The following CRHBP variants were observed in gnomAD, a reference collection of about 807,000 sequenced individuals.
The protein encoded by CRHBP is corticotropin releasing hormone binding protein, also known as corticotropin-releasing hormone-binding protein.
CRHBP carries 19 observed loss-of-function variants against 34.9 expected under a neutral mutation model. The ratio of observed to expected loss-of-function variants is 0.55; its 90% CI spans 0.38 to 0.80. The LOEUF (loss-of-function observed/expected upper bound fraction) is 0.80. Ranked by LOEUF, CRHBP falls within the 30% of genes least tolerant of loss-of-function variation. The pLI is 0.00. For synonymous variants in CRHBP, 154 were observed against 153.4 expected, an observed-to-expected ratio of 1.00 and a Z score of -0.03; for missense variants, 328 against 409.2, an observed-to-expected ratio of 0.80 and a Z score of 1.71.
downstream of CRHBP, among the ~76,000 whole-genome samples, chr5:76,972,802 T>A (rs2150710912): frequency 6.6e-6 from 1 of 152,340 alleles, no homozygotes; most frequent in Middle Eastern, 3.4e-3. Flanking sequence ...TTCATTTAAG[T>A]GGGTAGGGCA....
At chr5:76,981,156 A>G (rs1327541816) in exon 4 of CRHBP, 2 of 152,250 alleles carry the variant, frequency 1.3e-5, no homozygotes, top group Non-Finnish European at 2.9e-5. Context: ...CTCTAAAAAG[A>G]GGAGAAAATG....
downstream of CRHBP, among the ~76,000 whole-genome samples, chr5:76,973,958 C>T (rs1745983761): frequency 6.7e-6 from 1 of 149,912 alleles, no homozygotes; most frequent in African/African-American, 2.5e-5. Flanking sequence ...CACGTGCCAC[C>T]ACACCTGGCT....
Position 76,953,788 on chromosome 5 carries a change from G to A in CRHBP, c.175+94G>A. The A allele has an allele frequency of 2.2e-6, 3 of 1,357,172 alleles. 1 individual carries two copies. The South Asian group carries it at 3.9e-5, about 18-fold the overall frequency. 84.1% of individuals were successfully genotyped at this position (1,357,172 alleles called of 1,614,324 possible). On this transcript the variant is annotated intron_variant, in intron 2 of 6. Coordinates refer to ENST00000274368, the MANE Select transcript of CRHBP (RefSeq NM_001882.4). ...GAGGGCTCGCGGACATCTCGGGGAA[G>A]GGGCTGGCCGGAACCGCCAGGGGCG...
chr5:76,961,969 G>A (rs1445562153), intron 5 of CRHBP, among the ~76,000 whole-genome samples: 1 of 152,168 alleles, frequency 6.6e-6, no homozygotes. Flanking sequence ...GGCCAGGCTG[G>A]TCTCGAACTC....
chr5:76,957,480 G>A (rs1224574752), intron 4 of CRHBP, among the ~76,000 whole-genome samples: 4 of 152,134 alleles, frequency 2.6e-5, no homozygotes, highest in African/African-American at 4.8e-5. Flanking sequence ...TCTGCCTCTC[G>A]GGTTCAAGCA....
At chr5:76,980,901 T>C (rs1746109216) in intron 3 of CRHBP, 1 of 152,210 alleles carries the variant, frequency 6.6e-6, no homozygotes, top group Admixed American at 6.5e-5. Flanking sequence ...TGTTGCAAAA[T>C]CTTTGTTTAC....
chr5:76,963,361 G>C lies in CRHBP; in HGVS notation c.712G>C (p.Glu238Gln), dbSNP rs375907004. ...CCCTTAGAAATCCTCAGCAGGTTGCGAGGGAATAGGAGACTTTGTGGAGCT... is the reference window on the plus strand; with the variant it reads ...CCCTTAGAAATCCTCAGCAGGTTGCCAGGGAATAGGAGACTTTGTGGAGCT... Reference protein sequence around the residue: ...LQLKKSSAGCEGIGDFVELLG... With the variant: ...LQLKKSSAGCQGIGDFVELLG... Residue 238 changes from glutamate to glutamine, a missense_variant, in exon 6 of 7, where the codon GAG becomes CAG. By Grantham distance (29) the Glu-to-Gln change is conservative. Around this residue, in one of 3 missense-constraint regions of CRHBP, gnomAD observed 144 missense variants for 216.7 expected, o/e 0.66. Coordinates refer to ENST00000274368, the MANE Select transcript of CRHBP (RefSeq NM_001882.4). The C allele has an allele frequency of 1.1e-5, 17 of 1,613,952 alleles. No individual in the cohort carries two copies. The East Asian group carries it at 3.6e-4, about 34-fold the overall frequency.
In CRHBP at chr5:76,968,800, CTT is replaced by C. The variant is rs1240645599; in HGVS notation, c.887_888del (p.Phe296Ter). On this transcript the variant is annotated frameshift_variant, in exon 7 of 7. Coordinates refer to ENST00000274368, the MANE Select transcript of CRHBP (RefSeq NM_001882.4). LOFTEE classifies it high-confidence loss of function. The stretch of plus-strand genomic sequence containing the variant: ...AGTGGAAAACACGTAAATCGTGTGA[CTT>C]TTGAGTATCGTCAGCTGGAGCCGTA... The C allele has an allele frequency of 6.2e-7, 1 of 1,614,050 alleles. No individual in the cohort carries two copies. The highest frequency in any genetic ancestry group is 8.5e-7 in the Non-Finnish European group (1 of 1,180,028).
intron 6 of CRHBP, among the ~76,000 whole-genome samples, 170 bp downstream of exon 6, chr5:76,963,630 C>T (rs980603752): frequency 7.2e-5 from 11 of 152,066 alleles, no homozygotes; most frequent in African/African-American, 2.2e-4. Flanking sequence ...GTATCTTTAC[C>T]AAAATATCCG....
Position 76,969,014 on chromosome 5 carries a change from C to G in CRHBP, c.*129C>G, listed in dbSNP as rs1024370537. The G allele has an allele frequency of 1.0e-6, 1 of 977,282 alleles. No homozygotes were observed. The highest frequency in any genetic ancestry group is 1.5e-6 in the Non-Finnish European group (1 of 664,074). 60.5% of individuals were successfully genotyped at this position (977,282 alleles called of 1,614,324 possible). A position where few individuals can be genotyped will look rare whatever the true frequency, so the allele number is the denominator to read the frequency against. ...GTATTCCCAGCCTTGAGCGCACGCG[C>G]GCACACACACACACACATACACACA... On this transcript the variant is annotated 3_prime_UTR_variant, in exon 7 of 7. Transcript: ENST00000274368.
At chr5:76,975,825 A>AAAAAAAATATATATATATAT in intron 2 of CRHBP, among the ~76,000 whole-genome samples, 2 of 61,856 alleles carry the variant, frequency 3.2e-5, no homozygotes, top group African/African-American at 1.8e-4. Flanking sequence ...AAAAAAAAAA[A>AAAAAAAATATATATATATAT]ATATATATAT....
At chr5:76,958,912 A>G (rs767954351) in intron 5 of CRHBP, 23 bp downstream of exon 5, 78 of 1,611,260 alleles carry the variant, frequency 4.8e-5, no homozygotes, top group Non-Finnish European at 6.5e-5. Flanking sequence ...CTTGTTTCCT[A>G]ACCGTTTGAT....
chr5:76,967,092 A>G (rs569271122), intron 6 of CRHBP, among the ~76,000 whole-genome samples: 2 of 152,300 alleles, frequency 1.3e-5, no homozygotes, highest in African/African-American at 4.8e-5. Flanking sequence ...AAATTCAAAA[A>G]TTAGCCAGGT....
chr5:76,957,619 C>T (rs1441368882), intron 4 of CRHBP, among the ~76,000 whole-genome samples: 2 of 151,944 alleles, frequency 1.3e-5, no homozygotes, highest in Admixed American at 1.3e-4. Context: ...CTCCTGACCT[C>T]GTGATCCACC....
intron 3 of CRHBP, 27 bp from the exon 4 acceptor site, chr5:76,955,626 G>A: frequency 1.2e-6 from 2 of 1,602,908 alleles, no homozygotes; most frequent in South Asian, 1.1e-5. Flanking sequence ...GGAAATGATA[G>A]CATCTATGTC....
intron 4 of CRHBP, among the ~76,000 whole-genome samples, chr5:76,956,875 G>A (rs149085422): frequency 1.4e-3 from 208 of 152,186 alleles, no homozygotes; most frequent in African/African-American, 4.9e-3. Context: ...TGAAAGATGG[G>A]GCCTTTATCT....
chr5:76,957,676 T>C (rs1745705565), intron 4 of CRHBP, among the ~76,000 whole-genome samples: 1 of 151,870 alleles, frequency 6.6e-6, no homozygotes, highest in African/African-American at 2.4e-5. Context: ...GAGCCACCAC[T>C]CCCGGCCAAT....
rs746306127 is a variant in CRHBP, at chr5:76,959,097, C to A, written c.693+208C>A. On this transcript the variant is annotated intron_variant, in intron 5 of 6. Coordinates refer to ENST00000274368, the MANE Select transcript of CRHBP (RefSeq NM_001882.4). ...TGCGGCAAGTTGCATACTCAGGTGCCCCTTCTGACTACTTGAATACTTTCC... is the reference window on the plus strand; with the variant it reads ...TGCGGCAAGTTGCATACTCAGGTGCACCTTCTGACTACTTGAATACTTTCC... 1.4e-5 allele frequency: 7 copies of A among 485,276 alleles called. No individual in the cohort carries two copies. The South Asian group carries it at 2.8e-4, about 20-fold the overall frequency. 30.1% of individuals were successfully genotyped at this position (485,276 alleles called of 1,614,324 possible). A position where few individuals can be genotyped will look rare whatever the true frequency, so the allele number is the denominator to read the frequency against.
chr5:76,963,238 A>T lies in CRHBP; in HGVS notation c.694-105A>T, dbSNP rs957432598. On this transcript the variant is annotated intron_variant, in intron 5 of 6. Coordinates refer to ENST00000274368, the MANE Select transcript of CRHBP (RefSeq NM_001882.4). ...TGTTAAATTAAATGGTATTGCCAGG[A>T]TGTTGAGGGCTGATTGAGTGAATTC... The T allele has an allele frequency of 2.3e-5, 18 of 787,834 alleles. 1 individual carries two copies. The highest frequency in any genetic ancestry group is 2.2e-6 in the Non-Finnish European group (1 of 453,554). 48.8% of individuals were successfully genotyped at this position (787,834 alleles called of 1,614,324 possible).
Sources: gnomAD v4.1 joint callset for allele counts (sites outside exome capture counted in the v4.1 genomes callset) on GRCh38, gnomAD v4.1.1 for gene constraint, gnomAD v4.1.1 regional missense constraint, MANE v1.5 for transcripts, NCBI Gene and HGNC (gene_info 2026-07-23, HGNC 2026-07-21) for gene names.